Variants in CHRND observed in about 807,000 individuals in gnomAD.
CHRND encodes the protein cholinergic receptor nicotinic delta subunit.
In CHRND, 40 loss-of-function variants were observed where a neutral mutation model predicts 57.8. The observed-to-expected ratio is 0.69, with a 90% CI of 0.54 to 0.90. CHRND has a LOEUF of 0.90. Among genes scored for constraint, CHRND ranks in the 40% least tolerant of loss-of-function variants. The pLI, the probability that CHRND is intolerant of heterozygous loss-of-function variation, is 0.00. For synonymous variants in CHRND, 237 were observed against 270.6 expected, an observed-to-expected ratio of 0.88 and a Z score of 1.22; for missense variants, 634 against 673.9, an observed-to-expected ratio of 0.94 and a Z score of 0.66.
chr2:232,530,259 C>A, intron 7 of CHRND, 120 bp downstream of exon 7: 1 of 1,068,456 alleles, frequency 9.4e-7, no homozygotes, highest in Non-Finnish European at 1.4e-6. Context: ...TCCTGGAGCT[C>A]CCTGCCTGGA....
chr2:232,526,546 G>C lies in CHRND; in HGVS notation c.70G>C (p.Glu24Gln). 6.2e-7 allele frequency: 1 copy of C among 1,613,728 alleles called. No homozygotes were observed. The highest frequency in any genetic ancestry group is 8.5e-7 in the Non-Finnish European group (1 of 1,180,022). ...CTCCCCAGGCAGCTGGGGGCTGAACGAGGAGGAGCGGCTGATCCGGCACCT... is the reference window on the plus strand; with the variant it reads ...CTCCCCAGGCAGCTGGGGGCTGAACCAGGAGGAGCGGCTGATCCGGCACCT... The part of the protein sequence containing the change: ...LAVCGSWGLN[E>Q]EERLIRHLFQ... The change falls in exon 2 of 12, where the codon GAG becomes CAG. Residue 24 changes from glutamate (E) to glutamine (Q), a missense_variant. By Grantham distance (29) the Glu-to-Gln change is conservative. Coordinates refer to ENST00000258385, the MANE Select transcript of CHRND (RefSeq NM_000751.3).
chr2:232,528,608 C>G lies in CHRND; in HGVS notation c.461C>G (p.Ser154Cys). ...ATCTTCCGCTCCTCCTGCCCCATCT[C>G]TGTCACCTATTTCCCCTTCGACTGG... ...PAIFRSSCPI[S>C]VTYFPFDWQN... Residue 154 changes from serine to cysteine, a missense_variant, in exon 5 of 12, where the codon TCT becomes TGT. Transcript: ENST00000258385. The G allele has an allele frequency of 6.2e-7, 1 of 1,614,222 alleles. No homozygotes were observed. The highest frequency in any genetic ancestry group is 2.2e-5 in the East Asian group (1 of 44,886).
At chr2:232,534,984 A>T (rs1313975169) in intron 11 of CHRND, 146 bp from the exon 12 acceptor site, 1 of 892,702 alleles carries the variant, frequency 1.1e-6, no homozygotes, top group Non-Finnish European at 1.7e-6. Flanking sequence ...CTTGCTGGGG[A>T]CAAGCCAGCA....
At chr2:232,526,473 C>A in intron 1 of CHRND, 56 bp from the exon 2 acceptor site, 1 of 1,611,816 alleles carries the variant, frequency 6.2e-7, no homozygotes, top group Non-Finnish European at 8.5e-7. Flanking sequence ...GGGCAGCTTC[C>A]TTCCTGAGTC....
intron 11 of CHRND, 134 bp downstream of exon 11, chr2:232,534,476 C>A: frequency 1.1e-6 from 1 of 919,920 alleles, no homozygotes; most frequent in Non-Finnish European, 1.7e-6. Flanking sequence ...GACACAGATT[C>A]CAGGCCCCCC....
chr2:232,526,980 G>A (rs1691496331), intron 2 of CHRND, among the ~76,000 whole-genome samples: 3 of 152,198 alleles, frequency 2.0e-5, no homozygotes, highest in Non-Finnish European at 4.4e-5. Context: ...CAGATGCCAC[G>A]GTTTCCCTGG....
intron 7 of CHRND, among the ~76,000 whole-genome samples, chr2:232,530,972 G>C (rs1272764925): frequency 1.3e-5 from 2 of 152,184 alleles, no homozygotes; most frequent in African/African-American, 2.4e-5. Flanking sequence ...TCTAAGCGGG[G>C]AGTAACGCAC....
chr2:232,530,457 C>G (rs929130497), intron 7 of CHRND, among the ~76,000 whole-genome samples: 2 of 152,252 alleles, frequency 1.3e-5, no homozygotes, highest in South Asian at 4.1e-4. Flanking sequence ...GACCGTGGGC[C>G]TGGCACACAG....
In CHRND at chr2:232,536,479, C is replaced by T; in HGVS notation, c.*1167C>T. ...AGGAACTAAGGCCTCCTGCCAACAG[C>T]CACGTGAGTGAATGTGGAAGTGGAT... On this transcript the variant is annotated 3_prime_UTR_variant, in exon 12 of 12. Coordinates refer to ENST00000258385, the MANE Select transcript of CHRND (RefSeq NM_000751.3). 2.2e-6 allele frequency: 1 copy of T among 453,842 alleles called. No individual in the cohort carries two copies. Among genetic ancestry groups the T allele is most frequent in the Admixed American group, 2.3e-5 (1 of 42,576 alleles). 28.1% of individuals were successfully genotyped at this position (453,842 alleles called of 1,614,324 possible). A position where few individuals can be genotyped will look rare whatever the true frequency, so the allele number is the denominator to read the frequency against.
chr2:232,534,008 G>A lies in CHRND; in HGVS notation c.1125G>A (p.Val375=), dbSNP rs143246852. The change falls in exon 10 of 12, where the codon GTG becomes GTA. Residue 375 remains valine (V), a synonymous_variant. Transcript: ENST00000258385. The part of the protein sequence containing the change: ...AEDGPSPGAL[V]RRSSSLGYIS... Reference sequence around the variant, plus strand: ...ATGGACCCAGCCCTGGGGCCCTGGTGCGGAGGAGCAGCTCCCTGGGATACA... The same window carrying A: ...ATGGACCCAGCCCTGGGGCCCTGGTACGGAGGAGCAGCTCCCTGGGATACA... 354 of 1,613,904 alleles carry A rather than the reference G, an allele frequency of 2.2e-4. No individual in the cohort carries two copies. Among genetic ancestry groups the A allele is most frequent in the Non-Finnish European group, 2.9e-4 (340 of 1,180,058 alleles).
intron 2 of CHRND, among the ~76,000 whole-genome samples, chr2:232,526,941 C>T (rs1691495042): frequency 6.6e-6 from 1 of 152,218 alleles, no homozygotes; most frequent in Non-Finnish European, 1.5e-5. Flanking sequence ...TGGCGGCCTA[C>T]CCACTCCTGA....
intron 9 of CHRND, 138 bp downstream of exon 9, chr2:232,531,794 C>CA: frequency 4.1e-6 from 3 of 723,020 alleles, no homozygotes; most frequent in South Asian, 3.0e-5. Context: ...TATAAACAAT[C>CA]AAAAAAATTA....
Position 232,528,617 on chromosome 2 carries a change from A to G in CHRND, c.470A>G (p.Tyr157Cys), listed in dbSNP as rs202020672. 1.2e-6 allele frequency: 2 copies of G among 1,613,620 alleles called. No individual in the cohort carries two copies. Among genetic ancestry groups the G allele is most frequent in the Non-Finnish European group, 1.7e-6 (2 of 1,179,928 alleles). The change falls in exon 5 of 12, where the codon TAT (tyrosine) becomes TGT (cysteine). Residue 157 changes from tyrosine to cysteine, a missense_variant. By Grantham distance (194) the Tyr-to-Cys change is radical. Transcript: ENST00000258385. ...TCCTCCTGCCCCATCTCTGTCACCT[A>G]TTTCCCCTTCGACTGGCAGAACTGC... ...FRSSCPISVTYFPFDWQNCSL... is the reference protein window; with the variant it reads ...FRSSCPISVTCFPFDWQNCSL...
Position 232,528,984 on chromosome 2 carries a change from G to C in CHRND, c.619+13G>C. The stretch of plus-strand genomic sequence containing the variant: ...GAAGGCTTCACAGGTGCTGGGAACA[G>C]CCGCCAGTGGGTGGGCAGGTCCCTC... On this transcript the variant is annotated intron_variant, in intron 6 of 11. Coordinates refer to ENST00000258385, the MANE Select transcript of CHRND (RefSeq NM_000751.3). The C allele has an allele frequency of 6.2e-7, 1 of 1,602,812 alleles. No homozygotes were observed. The highest frequency in any genetic ancestry group is 8.5e-7 in the Non-Finnish European group (1 of 1,170,138).
chr2:232,526,335 C>T (rs1265733018), intron 1 of CHRND, 68 bp downstream of exon 1: 5 of 1,555,578 alleles, frequency 3.2e-6, no homozygotes, highest in Non-Finnish European at 1.8e-6. Flanking sequence ...CACCGCATGG[C>T]TCCTCACTCA....
chr2:232,534,436 A>T, intron 11 of CHRND, 94 bp downstream of exon 11: 1 of 1,235,760 alleles, frequency 8.1e-7, no homozygotes, highest in Non-Finnish European at 1.2e-6. Flanking sequence ...CCTTAGAGGC[A>T]CACACCAACT....
rs1691851732 is a variant in CHRND, at chr2:232,535,421, A to G, written c.*109A>G. 7 of 1,349,828 alleles carry G rather than the reference A, an allele frequency of 5.2e-6. No homozygotes were observed. The highest frequency in any genetic ancestry group is 6.2e-6 in the Non-Finnish European group (6 of 963,842). The allele number at this position is 1,349,828 out of a possible 1,614,324, so 83.6% of individuals were successfully genotyped here. A position where few individuals can be genotyped will look rare whatever the true frequency, so the allele number is the denominator to read the frequency against. Reference sequence around the variant, plus strand: ...GCTCGTGCCCCTCAGACTGGGGAAGAGTCCAAGGAAGGGAGGGAGCAGCCA... The same window carrying G: ...GCTCGTGCCCCTCAGACTGGGGAAGGGTCCAAGGAAGGGAGGGAGCAGCCA... On this transcript the variant is annotated 3_prime_UTR_variant, in exon 12 of 12. Transcript: ENST00000258385.
In CHRND at chr2:232,528,492, GT is replaced by G. The variant is rs1424794988; in HGVS notation, c.354-8del. 1.2e-6 allele frequency: 2 copies of G among 1,613,988 alleles called. No homozygotes were observed. Among genetic ancestry groups the G allele is most frequent in the Admixed American group, 3.3e-5 (2 of 60,002 alleles). ...AGAGCTCACTATGGTTCTTGTCCCT[GT>G]CCCCCAGCAATGACGGCTCCTTCCA... On this transcript the variant is annotated splice_polypyrimidine_tract_variant and splice_region_variant and intron_variant, in intron 4 of 11. Coordinates refer to ENST00000258385, the MANE Select transcript of CHRND (RefSeq NM_000751.3).
chr2:232,531,764 C>T (rs1691707582), intron 9 of CHRND, 108 bp downstream of exon 9: 1 of 855,224 alleles, frequency 1.2e-6, no homozygotes, highest in African/African-American at 1.7e-5. Context: ...GCCTGGGCAA[C>T]ATAGAGACAC....
Sources: gnomAD v4.1 joint callset for allele counts (sites outside exome capture counted in the v4.1 genomes callset) on GRCh38, gnomAD v4.1.1 for gene constraint, MANE v1.5 for transcripts, NCBI Gene and HGNC (gene_info 2026-07-23, HGNC 2026-07-21) for gene names.